Variants in ALMS1 observed in about 807,000 individuals in gnomAD.
ALMS1 encodes ALMS1 centrosome and basal body associated protein.
Under a neutral mutation model 352.2 loss-of-function variants are expected in ALMS1, and 271 were observed. The observed-to-expected ratio is 0.77, with a 90% CI of 0.70 to 0.85. The LOEUF is 0.85. Among genes scored for constraint, ALMS1 ranks in the 40% least tolerant of loss-of-function variants. The pLI, the probability that ALMS1 is intolerant of heterozygous loss-of-function variation, is 0.00. For missense variants in ALMS1, 5,445 were observed against 4,870.7 expected, an observed-to-expected ratio of 1.12 and a Z score of -3.51; for synonymous variants, 1,865 against 1,761.2, an observed-to-expected ratio of 1.06 and a Z score of -1.48.
chr2:73,385,808 TCCCCTTCCCCTC>T, upstream of ALMS1: 1 of 672,246 alleles, frequency 1.5e-6, no homozygotes. Context: ...GTCAGGGCTC[TCCCCTTCCCCTC>T]CCTCCCCCCC....
At chr2:73,472,109 A>G (rs1262856533) in intron 9 of ALMS1, among the ~76,000 whole-genome samples, 1 of 152,110 alleles carries the variant, frequency 6.6e-6, no homozygotes, top group Non-Finnish European at 1.5e-5. Flanking sequence ...CAAATACTGA[A>G]TGATTTCACT....
At chr2:73,460,075 T>G (rs939711203) in intron 9 of ALMS1, among the ~76,000 whole-genome samples, 4 of 152,114 alleles carry the variant, frequency 2.6e-5, no homozygotes, top group African/African-American at 9.7e-5. Context: ...TGTAACTCAC[T>G]TCCCTGATAG....
At chr2:73,425,965 G>C (rs985732445) in intron 5 of ALMS1, among the ~76,000 whole-genome samples, 3 of 152,146 alleles carry the variant, frequency 2.0e-5, no homozygotes, top group African/African-American at 7.2e-5. Context: ...TTACAACCAG[G>C]CTGTTGGTCT....
chr2:73,463,251 C>T (rs1190613699), intron 9 of ALMS1, among the ~76,000 whole-genome samples: 1 of 152,230 alleles, frequency 6.6e-6, no homozygotes, highest in Non-Finnish European at 1.5e-5. Flanking sequence ...AACAAACTAT[C>T]TCTCAGACCA....
At chr2:73,498,895 G>C (rs919426964) in intron 10 of ALMS1, among the ~76,000 whole-genome samples, 1 of 152,122 alleles carries the variant, frequency 6.6e-6, no homozygotes, top group Non-Finnish European at 1.5e-5. Flanking sequence ...TGAAACTGTA[G>C]ATTGCTTTTG....
At chr2:73,551,425 CTTTTTTTT>C (rs372741747) in intron 13 of ALMS1, among the ~76,000 whole-genome samples, 8 of 73,688 alleles carry the variant, frequency 1.1e-4, no homozygotes, top group Non-Finnish European at 1.8e-4. Context: ...GAGTTTCAAT[CTTTTTTTT>C]TTTTTTTTTT....
In ALMS1 at chr2:73,453,204, A is replaced by G. The variant is rs1331867625; in HGVS notation, c.6677A>G (p.Gln2226Arg). 2 of 1,613,890 alleles carry G rather than the reference A, an allele frequency of 1.2e-6. No individual in the cohort carries two copies. Among genetic ancestry groups the G allele is most frequent in the Non-Finnish European group, 1.7e-6 (2 of 1,179,974 alleles). Reference protein sequence around the residue: ...VSSNNVLLNSQADDRVVINKP... With the variant: ...VSSNNVLLNSRADDRVVINKP... ...TCAAATAATGTGCTTTTAAATTCTC[A>G]GGCTGATGACAGAGTTGTAATAAAT... Residue 2226 changes from glutamine (Q) to arginine (R), a missense_variant, in exon 8 of 23, where the codon CAG becomes CGG. Physicochemically the swap from Gln to Arg is conservative, Grantham distance 43. Transcript: ENST00000613296.
rs374849950 is a variant in ALMS1 at position 73,449,519 on chromosome 2, G to A, written c.2992G>A (p.Val998Ile). Residue 998 changes from valine (V) to isoleucine (I), a missense_variant, in exon 8 of 23, where the codon GTA becomes ATA. Transcript: ENST00000613296. Reference protein sequence around the residue: ...TDQKTVPTPTVPSGSFSHREK... With the variant: ...TDQKTVPTPTIPSGSFSHREK... ...CCAGAAGACTGTCCCAACACCAACA[G>A]TACCTTCAGGTTCCTTCTCACATAG... is the stretch of plus-strand genomic sequence containing the variant. 9 of 1,613,820 alleles carry A rather than the reference G, an allele frequency of 5.6e-6. No homozygotes were observed. The highest frequency in any genetic ancestry group is 7.6e-6 in the Non-Finnish European group (9 of 1,179,964).
At position 73,519,930 on chromosome 2, in the gene ALMS1, C is replaced by T. The variant is rs751791764; in HGVS notation, c.9695C>T (p.Pro3232Leu). ...AEDRGHEIIEPGNQKLRKAPV... is the reference protein window; with the variant it reads ...AEDRGHEIIELGNQKLRKAPV... The stretch of plus-strand genomic sequence containing the variant: ...GATCGTGGACATGAAATTATAGAGC[C>T]TGGTAACCAGAAGCTACGCAAAGCT... Residue 3232 changes from proline to leucine, a missense_variant, in exon 11 of 23, where the codon CCT becomes CTT. By Grantham distance (98) the Pro-to-Leu change is moderately conservative (BLOSUM62 -3). Coordinates refer to ENST00000613296, the MANE Select transcript of ALMS1 (RefSeq NM_001378454.1). 1.9e-6 allele frequency: 3 copies of T among 1,614,074 alleles called. No homozygotes were observed. The highest frequency in any genetic ancestry group is 1.7e-5 in the Admixed American group (1 of 60,020).
intron 13 of ALMS1, among the ~76,000 whole-genome samples, chr2:73,553,098 C>T (rs2104044433): frequency 6.6e-6 from 1 of 152,150 alleles, no homozygotes; most frequent in African/African-American, 2.4e-5. Flanking sequence ...AGGCACATGA[C>T]CTTGACATTT....
At chr2:73,437,998 G>T (rs373455819) in intron 7 of ALMS1, among the ~76,000 whole-genome samples, 1 of 152,068 alleles carries the variant, frequency 6.6e-6, no homozygotes. Context: ...GCCTCCTATG[G>T]TTCCTGTTTA....
intron 10 of ALMS1, among the ~76,000 whole-genome samples, chr2:73,497,195 G>A (rs1310395757): frequency 6.6e-6 from 1 of 151,912 alleles, no homozygotes; most frequent in African/African-American, 2.4e-5. Context: ...TTGAGTCATT[G>A]TTTTCTATGT....
intron 2 of ALMS1, among the ~76,000 whole-genome samples, chr2:73,409,854 G>A (rs1050705132): frequency 1.3e-5 from 2 of 152,272 alleles, no homozygotes; most frequent in Middle Eastern, 6.8e-3. Flanking sequence ...AGGGCTGATG[G>A]TATAGTTCCA....
intron 9 of ALMS1, among the ~76,000 whole-genome samples, chr2:73,464,997 T>C (rs2103824750): frequency 6.7e-6 from 1 of 149,402 alleles, no homozygotes; most frequent in Non-Finnish European, 1.5e-5. Context: ...GAAGAATCAA[T>C]ATCGTGAAAA....
Position 73,453,946 on chromosome 2 carries a change from TAGC to T in ALMS1, c.7422_7424del (p.Ser2475del). 6.2e-7 allele frequency: 1 copy of T among 1,614,038 alleles called. No homozygotes were observed. The highest frequency in any genetic ancestry group is 8.5e-7 in the Non-Finnish European group (1 of 1,180,012). ...TGTCAGAGAGTGAGGATGGTGGTGG[TAGC>T]AGTGTAGATTCACTGGCTGCACATG... On this transcript the variant is annotated inframe_deletion, in exon 8 of 23. Coordinates refer to ENST00000613296, the MANE Select transcript of ALMS1 (RefSeq NM_001378454.1).
At chr2:73,538,149 C>G (rs1376279810) in intron 12 of ALMS1, among the ~76,000 whole-genome samples, 1 of 152,172 alleles carries the variant, frequency 6.6e-6, no homozygotes, top group East Asian at 1.9e-4. Flanking sequence ...ATTTGCAAAT[C>G]ATTTATCTGT....
chr2:73,465,462 C>T lies in ALMS1; in HGVS notation c.7674+10167C>T, dbSNP rs1348557504. Among the ~76,000 whole-genome samples the T allele has an allele frequency of 3.3e-5, 5 of 152,318 alleles. No individual in the cohort carries two copies. The South Asian group carries it at 8.3e-4, about 25-fold the overall frequency. ...GTAGAAAGCTGAAACTGGATCCCTT[C>T]CTTACACCGTATACAAAAATTAATT... On this transcript the variant is annotated intron_variant, in intron 9 of 22. Coordinates refer to ENST00000613296, the MANE Select transcript of ALMS1 (RefSeq NM_001378454.1).
At chr2:73,395,040 G>GTGTGTATATATATATA (rs1553397376) in intron 1 of ALMS1, among the ~76,000 whole-genome samples, 6 of 88,826 alleles carry the variant, frequency 6.8e-5, no homozygotes, top group South Asian at 2.7e-4. Context: ...ATATATATGT[G>GTGTGTATATATATATA]TGTGTATATA....
chr2:73,475,150 A>G (rs929383890), intron 9 of ALMS1, among the ~76,000 whole-genome samples: 1 of 152,110 alleles, frequency 6.6e-6, no homozygotes, highest in Non-Finnish European at 1.5e-5. Flanking sequence ...GTTGGTAGAC[A>G]TTTGGATTTT....
Sources: gnomAD v4.1 joint callset for allele counts (sites outside exome capture counted in the v4.1 genomes callset) on GRCh38, gnomAD v4.1.1 for gene constraint, MANE v1.5 for transcripts, NCBI Gene and HGNC (gene_info 2026-07-23, HGNC 2026-07-21) for gene names.